Variants in SNTG1 observed in about 807,000 individuals in gnomAD.
SNTG1 encodes gamma-1-syntrophin.
In SNTG1, 39 loss-of-function variants were observed where a neutral mutation model predicts 74.7. The ratio of observed to expected loss-of-function variants is 0.52; its 90% CI spans 0.40 to 0.68. SNTG1 has a LOEUF of 0.68. Ranked by LOEUF, SNTG1 falls within the 30% of genes least tolerant of loss-of-function variation. The probability of loss-of-function intolerance (pLI) is 0.00; values close to 1 mark genes in which losing one functional copy is unlikely to be tolerated. For missense variants in SNTG1, 685 were observed against 609.5 expected, an observed-to-expected ratio of 1.12 and a Z score of -1.30; for synonymous variants, 254 against 217.1, an observed-to-expected ratio of 1.17 and a Z score of -1.49.
chr8:50,195,414 G>A (rs1276608202), intron 2 of SNTG1, among the ~76,000 whole-genome samples: 1 of 152,072 alleles, frequency 6.6e-6, no homozygotes, highest in Non-Finnish European at 1.5e-5. Flanking sequence ...CATCTGTAAA[G>A]TCTGCACACC....
At chr8:50,111,772 A>G (rs1447994069) in intron 1 of SNTG1, among the ~76,000 whole-genome samples, 1 of 152,192 alleles carries the variant, frequency 6.6e-6, no homozygotes, top group African/African-American at 2.4e-5. Flanking sequence ...ATTATGAGTG[A>G]CAAATGGGAC....
intron 1 of SNTG1, among the ~76,000 whole-genome samples, chr8:49,971,544 G>A (rs1364134733): frequency 6.6e-6 from 1 of 152,118 alleles, no homozygotes; most frequent in African/African-American, 2.4e-5. Context: ...GAAATAAAGG[G>A]TATTCAATTA....
intron 17 of SNTG1, among the ~76,000 whole-genome samples, chr8:50,725,723 A>G (rs564191215): frequency 1.3e-5 from 2 of 152,310 alleles, no homozygotes; most frequent in South Asian, 4.1e-4. Flanking sequence ...TTCCCCTGCA[A>G]TAGACCTGAA....
At chr8:50,601,928 A>T (rs1007586661) in intron 13 of SNTG1, among the ~76,000 whole-genome samples, 1 of 152,112 alleles carries the variant, frequency 6.6e-6, no homozygotes, top group Non-Finnish European at 1.5e-5. Context: ...TGGTATAAGT[A>T]TAGCTACTTC....
chr8:50,184,111 C>A (rs1276277093), intron 2 of SNTG1, among the ~76,000 whole-genome samples: 2 of 152,108 alleles, frequency 1.3e-5, no homozygotes, highest in African/African-American at 4.8e-5. Flanking sequence ...GTTTGTCTCT[C>A]TCTGCTTCAT....
chr8:50,110,818 T>C (rs2080555920), intron 1 of SNTG1, among the ~76,000 whole-genome samples: 1 of 152,032 alleles, frequency 6.6e-6, no homozygotes, highest in African/African-American at 2.4e-5. Context: ...TAAAATTTTA[T>C]GTACAAAAAT....
intron 1 of SNTG1, among the ~76,000 whole-genome samples, chr8:49,913,967 T>C (rs1805799068): frequency 6.6e-6 from 1 of 151,982 alleles, no homozygotes; most frequent in Non-Finnish European, 1.5e-5. Context: ...AAGTGAAAGT[T>C]ACCTTTGCCT....
At chr8:50,357,327 A>C (rs2091847042) in intron 2 of SNTG1, among the ~76,000 whole-genome samples, 1 of 152,204 alleles carries the variant, frequency 6.6e-6, no homozygotes, top group Non-Finnish European at 1.5e-5. Context: ...GTTAATCAAC[A>C]ATTGCCAAGT....
At chr8:50,143,652 T>C (rs1214313151) in intron 1 of SNTG1, among the ~76,000 whole-genome samples, 2 of 152,198 alleles carry the variant, frequency 1.3e-5, no homozygotes, top group Admixed American at 1.3e-4. Flanking sequence ...TAGCAAGCAG[T>C]CTGTAAAAGC....
chr8:50,698,374 T>A (rs1327930244), intron 15 of SNTG1, among the ~76,000 whole-genome samples: 1 of 152,146 alleles, frequency 6.6e-6, no homozygotes, highest in Non-Finnish European at 1.5e-5. Context: ...ACTTAGTTAG[T>A]GCAGTTTACT....
intron 12 of SNTG1, among the ~76,000 whole-genome samples, chr8:50,575,351 A>C (rs1012800414): frequency 6.6e-6 from 1 of 152,176 alleles, no homozygotes; most frequent in African/African-American, 2.4e-5. Context: ...TGCAAGGCCA[A>C]ACACACCTAC....
chr8:50,740,536 T>A (rs1470378735), intron 17 of SNTG1, among the ~76,000 whole-genome samples: 1 of 152,078 alleles, frequency 6.6e-6, no homozygotes, highest in South Asian at 2.1e-4. Context: ...TTTACCTGGT[T>A]GGTGGGAGTA....
At chr8:50,731,372 C>A (rs928784303) in intron 17 of SNTG1, among the ~76,000 whole-genome samples, 5 of 152,044 alleles carry the variant, frequency 3.3e-5, no homozygotes, top group African/African-American at 1.2e-4. Flanking sequence ...AAAAGGGAGA[C>A]AAATTGGCAT....
rs539078104 is a variant in SNTG1, at chr8:50,388,350, A to G, written c.-27-5862A>G. ...TATCAATACTTGAGTAGTAGTATTC[A>G]GTGGTGATATTGTGTGTATCTCTAT... is the stretch of plus-strand genomic sequence containing the variant. On this transcript the variant is annotated intron_variant, in intron 2 of 18. Coordinates refer to ENST00000642720, the MANE Select transcript of SNTG1 (RefSeq NM_018967.5). Among the ~76,000 whole-genome samples, 45 of 152,292 alleles carry G rather than the reference A, an allele frequency of 3.0e-4. 1 individual carries two copies. The highest frequency in any genetic ancestry group is 1.0e-3 in the African/African-American group (42 of 41,562).
chr8:50,697,244 G>T (rs1319421184), intron 15 of SNTG1, among the ~76,000 whole-genome samples: 2 of 151,952 alleles, frequency 1.3e-5, no homozygotes, highest in Non-Finnish European at 2.9e-5. Context: ...TTGTTGCTGT[G>T]TAGAAAAGCT....
intron 17 of SNTG1, among the ~76,000 whole-genome samples, chr8:50,741,783 A>G (rs2095544009): frequency 6.6e-6 from 1 of 152,076 alleles, no homozygotes; most frequent in South Asian, 2.1e-4. Context: ...TATATACTGT[A>G]TGATTCCAAC....
intron 4 of SNTG1, among the ~76,000 whole-genome samples, chr8:50,423,871 C>T (rs1023199714): frequency 3.3e-5 from 5 of 152,072 alleles, no homozygotes; most frequent in African/African-American, 7.2e-5. Flanking sequence ...CCTGACATCG[C>T]GTTAGGGAGC....
At chr8:50,233,747 A>T (rs1426230010) in intron 2 of SNTG1, among the ~76,000 whole-genome samples, 2 of 151,526 alleles carry the variant, frequency 1.3e-5, no homozygotes, top group Non-Finnish European at 1.5e-5. Flanking sequence ...AAAAAAATGA[A>T]GACACATTTC....
chr8:50,262,509 C>G (rs1028710885), intron 2 of SNTG1, among the ~76,000 whole-genome samples: 1 of 152,108 alleles, frequency 6.6e-6, no homozygotes, highest in Non-Finnish European at 1.5e-5. Context: ...CTCCTGGGTT[C>G]ACGCCATTCT....
Sources: allele counts gnomAD v4.1 joint callset (sites outside exome capture counted in the v4.1 genomes callset), GRCh38; gene constraint gnomAD v4.1.1; transcripts MANE v1.5; gene names NCBI Gene and HGNC (gene_info 2026-07-23, HGNC 2026-07-21).